Variants in BAIAP3 observed in about 807,000 individuals in gnomAD.
BAIAP3 encodes the protein BAI1 associated protein 3, also known as BAI1-associated protein 3.
Under a neutral mutation model 149.7 loss-of-function variants are expected in BAIAP3, and 180 were observed. That is an observed-to-expected ratio of 1.20 (90% CI 1.07 to 1.36). The LOEUF is 1.36. BAIAP3 is among the 40% of genes most tolerant of loss of function. The pLI is 0.00. For synonymous variants in BAIAP3, 845 were observed against 670.7 expected, an observed-to-expected ratio of 1.26 and a Z score of -4.02; for missense variants, 1,767 against 1,563.4, an observed-to-expected ratio of 1.13 and a Z score of -2.20.
At chr16:1,336,368 C>A (rs1030326935) in intron 1 of BAIAP3, 2 of 985,270 alleles carry the variant, frequency 2.0e-6, no homozygotes, top group Non-Finnish European at 2.4e-6. Flanking sequence ...GGGGGAGGCT[C>A]ACAGGGGAAG....
intron 6 of BAIAP3, 39 bp downstream of exon 6, chr16:1,341,020 G>C (rs377730660): frequency 6.2e-7 from 1 of 1,609,246 alleles, no homozygotes; most frequent in Admixed American, 1.7e-5. Flanking sequence ...TGACCAGCAC[G>C]TGCCTGCGTG....
At position 1,339,495 on chromosome 16, in the gene BAIAP3, G is replaced by A. The variant is rs762935325; in HGVS notation, c.301-1G>A. 5.6e-6 allele frequency: 9 copies of A among 1,607,204 alleles called. No homozygotes were observed. Among genetic ancestry groups the A allele is most frequent in the South Asian group, 1.1e-5 (1 of 90,674 alleles). ...TGTGGCCGCCCTTCCCCCACCTGCA[G>A]GTGGAGATGCTCTACGAGGAGGCCC... On this transcript the variant is annotated splice_acceptor_variant, in intron 4 of 33. Transcript: ENST00000426824. LOFTEE classifies it high-confidence loss of function.
In BAIAP3 at chr16:1,341,149, A is replaced by C. The variant is rs115198116; in HGVS notation, c.489A>C (p.Lys163Asn). 6,343 of 1,612,702 alleles carry C rather than the reference A, an allele frequency of 3.9e-3. 20 individuals are homozygous for C. Among genetic ancestry groups the C allele is most frequent in the Non-Finnish European group, 4.9e-3 (5,793 of 1,179,814 alleles). The part of the protein sequence containing the change: ...RKAKAPTYAL[K>N]VSVMRAKNLL... ...CACAGGCCCCCACGTATGCCCTGAA[A>C]GTCTCTGTCATGCGTGCCAAGAACC... The change falls in exon 7 of 34, where the codon AAA (lysine) becomes AAC (asparagine). Residue 163 changes from lysine to asparagine, a missense_variant. By Grantham distance (94) the Lys-to-Asn change is moderately conservative. Transcript: ENST00000426824.
chr16:1,347,192 C>A, intron 28 of BAIAP3, 106 bp from the exon 29 acceptor site: 2 of 1,198,438 alleles, frequency 1.7e-6, no homozygotes, highest in Non-Finnish European at 1.2e-6. Context: ...CTGCCCTTGG[C>A]TGCTGAGCCC....
chr16:1,342,596 G>A lies in BAIAP3; in HGVS notation c.1027G>A (p.Gly343Arg). ...EPRSSASRVQGHCHLVLKLIT... is the reference protein window; with the variant it reads ...EPRSSASRVQRHCHLVLKLIT... Reference sequence around the variant, plus strand: ...ACGCTCCAGTGCCTCGCGTGTGCAGGGACACTGCCACCTGGTTCTCAAGCT... The same window carrying A: ...ACGCTCCAGTGCCTCGCGTGTGCAGAGACACTGCCACCTGGTTCTCAAGCT... Residue 343 changes from glycine to arginine, a missense_variant, in exon 12 of 34, where the codon GGA (glycine) becomes AGA (arginine). Transcript: ENST00000426824. 6.4e-7 allele frequency: 1 copy of A among 1,569,532 alleles called. No homozygotes were observed. The highest frequency in any genetic ancestry group is 8.6e-7 in the Non-Finnish European group (1 of 1,158,094).
intron 16 of BAIAP3, 27 bp from the exon 17 acceptor site, chr16:1,344,200 C>T: frequency 1.2e-6 from 2 of 1,612,800 alleles, no homozygotes. Flanking sequence ...AGGGCAGGCC[C>T]CACGTCAGCG....
chr16:1,348,358 A>G, intron 33 of BAIAP3, 21 bp from the exon 34 acceptor site: 1 of 1,610,398 alleles, frequency 6.2e-7, no homozygotes, highest in Middle Eastern at 1.7e-4. Flanking sequence ...GCCCCCACAC[A>G]CCTGCCCGCG....
chr16:1,343,558 G>A (rs771748016), intron 15 of BAIAP3, 45 bp downstream of exon 15: 114 of 1,597,766 alleles, frequency 7.1e-5, no homozygotes, highest in Non-Finnish European at 9.1e-5. Context: ...CGAAGGGAGT[G>A]CTGGGGACTG....
chr16:1,336,414 C>T (rs1208587404), intron 1 of BAIAP3: 1 of 983,552 alleles, frequency 1.0e-6, no homozygotes, highest in Non-Finnish European at 1.2e-6. Flanking sequence ...GTCCCCCCCG[C>T]AAGCATTGCC....
chr16:1,336,224 C>T, intron 1 of BAIAP3: 1 of 985,314 alleles, frequency 1.0e-6, no homozygotes, highest in African/African-American at 1.7e-5. Flanking sequence ...GCAGGGGGAG[C>T]AGCCTCTTCC....
At position 1,342,922 on chromosome 16, in the gene BAIAP3, A is replaced by C. The variant is rs749553566; in HGVS notation, c.1171A>C (p.Ser391Arg). The C allele has an allele frequency of 1.9e-6, 3 of 1,612,194 alleles. No individual in the cohort carries two copies. In the East Asian group the frequency reaches 6.7e-5, roughly 36 times the overall value. ...LEHSAEEPNS[S>R]SWRGELSTPA... is the part of the protein sequence containing the mutation. ...AGACCTCCTCCCCCAGCCCAACTCC[A>C]GCAGCTGGCGAGGAGAGCTCAGCAC... The change falls in exon 14 of 34, where the codon AGC becomes CGC. Residue 391 changes from serine to arginine, a missense_variant. Ser to Arg is a moderately radical substitution (Grantham distance 110). Transcript: ENST00000426824.
chr16:1,341,157 T>A lies in BAIAP3; in HGVS notation c.497T>A (p.Val166Asp). ...CCCACGTATGCCCTGAAAGTCTCTG[T>A]CATGCGTGCCAAGAACCTTCTGGCC... ...KAPTYALKVS[V>D]MRAKNLLAKD... The change falls in exon 7 of 34, where the codon GTC becomes GAC. Residue 166 changes from valine (V) to aspartate (D), a missense_variant. Coordinates refer to ENST00000426824, the MANE Select transcript of BAIAP3 (RefSeq NM_001199097.2). The A allele has an allele frequency of 6.2e-7, 1 of 1,612,694 alleles. No individual in the cohort carries two copies. The highest frequency in any genetic ancestry group is 1.1e-5 in the South Asian group (1 of 91,060).
At position 1,349,270 on chromosome 16, in the gene BAIAP3, G is replaced by T; in HGVS notation, c.*788G>T. 1 of 757,860 alleles carries T rather than the reference G, an allele frequency of 1.3e-6. No homozygotes were observed. The highest frequency in any genetic ancestry group is 2.3e-6 in the Non-Finnish European group (1 of 442,006). 46.9% of individuals were successfully genotyped at this position (757,860 alleles called of 1,614,324 possible). A position where few individuals can be genotyped will look rare whatever the true frequency, so the allele number is the denominator to read the frequency against. ...GGCCTGCAGCTTCATTTGCGAGAGC[G>T]CCGAGGCAGGACACAGAGCACAGCT... On this transcript the variant is annotated 3_prime_UTR_variant, in exon 34 of 34. Coordinates refer to ENST00000426824, the MANE Select transcript of BAIAP3 (RefSeq NM_001199097.2).
intron 18 of BAIAP3, 21 bp downstream of exon 18, chr16:1,344,546 G>A (rs1420388065): frequency 6.2e-7 from 1 of 1,612,756 alleles, no homozygotes; most frequent in Non-Finnish European, 8.5e-7. Flanking sequence ...GGGGGACCCT[G>A]GCCATGAGGG....
chr16:1,346,291 G>C lies in BAIAP3; in HGVS notation c.2423G>C (p.Ser808Thr). The change falls in exon 25 of 34, where the codon AGC becomes ACC. Residue 808 changes from serine to threonine, a missense_variant. Transcript: ENST00000426824. ...GGGGTGCTCCCCCGCCCTCTGCTCA[G>C]CTGCACACAGGCCCTGGACGATGAT... ...PEGVLPRPLL[S>T]CTQALDDDLQ... 6.2e-7 allele frequency: 1 copy of C among 1,607,306 alleles called. No individual in the cohort carries two copies. Among genetic ancestry groups the C allele is most frequent in the Non-Finnish European group, 8.5e-7 (1 of 1,175,972 alleles).
intron 20 of BAIAP3, 38 bp from the exon 21 acceptor site, chr16:1,344,931 C>T (rs368471484): frequency 2.2e-4 from 359 of 1,613,412 alleles, no homozygotes; most frequent in Non-Finnish European, 2.9e-4. Flanking sequence ...TCCTGGGATT[C>T]CTTGCTGCTG....
intron 5 of BAIAP3, 47 bp from the exon 6 acceptor site, chr16:1,340,875 C>T (rs1426087200): frequency 1.1e-5 from 17 of 1,544,394 alleles, no homozygotes; most frequent in African/African-American, 4.1e-5. Flanking sequence ...TGGCCAGCCT[C>T]GCTTCAGGGG....
At chr16:1,336,625 A>G (rs568373194) in intron 1 of BAIAP3, among the ~76,000 whole-genome samples, 1 of 152,108 alleles carries the variant, frequency 6.6e-6, no homozygotes, top group African/African-American at 2.4e-5. Flanking sequence ...GGGGCCCGGG[A>G]GCTGGCTCGA....
chr16:1,349,272 C>A lies in BAIAP3; in HGVS notation c.*790C>A. 3 of 774,416 alleles carry A rather than the reference C, an allele frequency of 3.9e-6. No homozygotes were observed. Among genetic ancestry groups the A allele is most frequent in the Non-Finnish European group, 6.6e-6 (3 of 455,800 alleles). The allele number at this position is 774,416 out of a possible 1,614,324, so 48.0% of individuals were successfully genotyped here. ...CCTGCAGCTTCATTTGCGAGAGCGC[C>A]GAGGCAGGACACAGAGCACAGCTGT... On this transcript the variant is annotated 3_prime_UTR_variant, in exon 34 of 34. Coordinates refer to ENST00000426824, the MANE Select transcript of BAIAP3 (RefSeq NM_001199097.2).
Sources: allele counts gnomAD v4.1 joint callset (sites outside exome capture counted in the v4.1 genomes callset), GRCh38; gene constraint gnomAD v4.1.1; transcripts MANE v1.5; gene names NCBI Gene and HGNC (gene_info 2026-07-23, HGNC 2026-07-21).